Variants in ARHGAP42 observed in about 807,000 individuals in gnomAD.
The protein encoded by ARHGAP42 is Rho GTPase activating protein 42.
Under a neutral mutation model 125.0 loss-of-function variants are expected in ARHGAP42, and 63 were observed. The observed-to-expected ratio is 0.50, with a 90% CI of 0.41 to 0.62. The LOEUF (loss-of-function observed/expected upper bound fraction) is 0.62, where lower values mean the gene tolerates loss of function less well. Among genes scored for constraint, ARHGAP42 ranks in the 20% least tolerant of loss-of-function variants. The pLI is 0.00. For synonymous variants in ARHGAP42, 339 were observed against 351.0 expected, an observed-to-expected ratio of 0.97 and a Z score of 0.38; for missense variants, 766 against 1,024.2, an observed-to-expected ratio of 0.75 and a Z score of 3.44.
At position 100,980,559 on chromosome 11, in the gene ARHGAP42, CTTTTTTT is replaced by C. The variant is rs763302463; in HGVS notation, c.2456+1534_2456+1540del. ...TCAAATCATACTTCTTTTTCTTCTT[CTTTTTTT>C]TTTTTTTTTTTTTTTTTTTTTTTGA... is the stretch of plus-strand genomic sequence containing the variant. On this transcript the variant is annotated intron_variant, in intron 22 of 23. Transcript: ENST00000298815. Among the ~76,000 whole-genome samples the C allele has an allele frequency of 5.2e-3, 269 of 51,956 alleles. 16 individuals are homozygous for C. In the South Asian group the frequency reaches 0.098, roughly 19 times the overall value. The allele number at this position is 51,956 out of a possible 152,430, so 34.1% of individuals were successfully genotyped here. A position where few individuals can be genotyped will look rare whatever the true frequency, so the allele number is the denominator to read the frequency against.
intron 1 of ARHGAP42, among the ~76,000 whole-genome samples, chr11:100,727,089 G>T (rs1354862913): frequency 3.9e-5 from 6 of 152,208 alleles, no homozygotes; most frequent in Admixed American, 3.9e-4. Flanking sequence ...AGCCATAGAT[G>T]AAAGAAATGA....
intron 2 of ARHGAP42, among the ~76,000 whole-genome samples, chr11:100,781,502 G>A (rs1863309816): frequency 6.6e-6 from 1 of 152,084 alleles, no homozygotes; most frequent in African/African-American, 2.4e-5. Flanking sequence ...TGTCAACTTT[G>A]ACTTTGAGGT....
intron 4 of ARHGAP42, among the ~76,000 whole-genome samples, chr11:100,896,450 C>T (rs1345892395): frequency 6.6e-6 from 1 of 152,080 alleles, no homozygotes; most frequent in Non-Finnish European, 1.5e-5. Flanking sequence ...CTAATGCTTC[C>T]CACCAACAGT....
In ARHGAP42 at chr11:100,959,920, A is replaced by G; in HGVS notation, c.1200A>G (p.Lys400=). ...AAGCAGGGTTCAACTTTGTGAGAAA[A>G]TGCATTCAAGCTGTGGAAACAAGAG... ...LNEAGFNFVR[K]CIQAVETRGI... The change falls in exon 13 of 24, where the codon AAA becomes AAG. Residue 400 remains lysine (K), a synonymous_variant. Transcript: ENST00000298815. The G allele has an allele frequency of 2.6e-6, 4 of 1,551,476 alleles. No homozygotes were observed. The highest frequency in any genetic ancestry group is 2.6e-6 in the Non-Finnish European group (3 of 1,146,576).
At chr11:100,927,719 C>A (rs1049584211) in intron 6 of ARHGAP42, among the ~76,000 whole-genome samples, 3 of 152,158 alleles carry the variant, frequency 2.0e-5, no homozygotes, top group Non-Finnish European at 4.4e-5. Flanking sequence ...GTACCTCAGG[C>A]CTCTTCATCT....
chr11:100,967,160 GA>G (rs1196118029), intron 17 of ARHGAP42, among the ~76,000 whole-genome samples: 5 of 151,796 alleles, frequency 3.3e-5, no homozygotes, highest in African/African-American at 9.7e-5. Context: ...TTTCATGGCT[GA>G]AAAAAAATTA....
intron 5 of ARHGAP42, among the ~76,000 whole-genome samples, chr11:100,917,015 TTGTGTGTGTGTGTGTGTGTGTG>T (rs6144479): frequency 2.0e-5 from 3 of 149,508 alleles, no homozygotes; most frequent in Admixed American, 6.7e-5. Context: ...TAAAATAAGT[TTGTGTGTGTGTGTGTGTGTGTG>T]TGTGTGTGTG....
chr11:100,794,586 A>G (rs1863662430), intron 2 of ARHGAP42, among the ~76,000 whole-genome samples: 1 of 152,184 alleles, frequency 6.6e-6, no homozygotes, highest in South Asian at 2.1e-4. Flanking sequence ...GTAGAAGTAA[A>G]GTTGATCCCT....
At chr11:100,802,338 T>A (rs1281612186) in intron 3 of ARHGAP42, among the ~76,000 whole-genome samples, 1 of 152,156 alleles carries the variant, frequency 6.6e-6, no homozygotes, top group Non-Finnish European at 1.5e-5. Context: ...AATAGTGAAG[T>A]TGACTCTCGC....
chr11:100,754,615 T>C (rs1862531168), intron 1 of ARHGAP42, among the ~76,000 whole-genome samples: 1 of 152,240 alleles, frequency 6.6e-6, no homozygotes, highest in South Asian at 2.1e-4. Context: ...TTAATTTCTT[T>C]ATAGATGTAT....
intron 1 of ARHGAP42, among the ~76,000 whole-genome samples, chr11:100,739,929 G>C (rs1200734451): frequency 1.3e-5 from 2 of 152,132 alleles, no homozygotes; most frequent in African/African-American, 2.4e-5. Context: ...AAAAATACTA[G>C]TGGCAAAGGC....
chr11:100,792,333 A>G (rs537843380), intron 2 of ARHGAP42, among the ~76,000 whole-genome samples: 1 of 152,334 alleles, frequency 6.6e-6, no homozygotes, highest in Admixed American at 6.5e-5. Context: ...TTTATTCTTC[A>G]TTATATGTTG....
Position 100,969,993 on chromosome 11 carries a change from CT to C in ARHGAP42, c.1551-3172del, listed in dbSNP as rs369679671. ...TGTTGTTTGCTTGTTTGTTTAGTGT[CT>C]TTTTTTTTTGTTGAGACAGAGTCTC... On this transcript the variant is annotated intron_variant, in intron 17 of 23. Coordinates refer to ENST00000298815, the MANE Select transcript of ARHGAP42 (RefSeq NM_152432.4). Among the ~76,000 whole-genome samples the C allele has an allele frequency of 1.2e-4, 18 of 147,622 alleles. No homozygotes were observed. In the South Asian group the frequency reaches 2.2e-3, roughly 18 times the overall value.
chr11:100,728,145 T>C (rs1861892738), intron 1 of ARHGAP42, among the ~76,000 whole-genome samples: 1 of 152,152 alleles, frequency 6.6e-6, no homozygotes, highest in East Asian at 1.9e-4. Context: ...TTCAGCTTGG[T>C]TGGTGAATTT....
At chr11:100,720,557 A>T (rs908020741) in intron 1 of ARHGAP42, among the ~76,000 whole-genome samples, 1 of 152,168 alleles carries the variant, frequency 6.6e-6, no homozygotes, top group East Asian at 1.9e-4. Context: ...ATAAAAGTGA[A>T]AATATGGCTA....
chr11:100,795,332 A>G (rs1305688642), intron 3 of ARHGAP42, among the ~76,000 whole-genome samples, 166 bp downstream of exon 3: 1 of 152,216 alleles, frequency 6.6e-6, no homozygotes, highest in Non-Finnish European at 1.5e-5. Context: ...ATTATCATAT[A>G]TTGCTGATAA....
chr11:100,797,987 C>G (rs1863762764), intron 3 of ARHGAP42, among the ~76,000 whole-genome samples: 2 of 152,092 alleles, frequency 1.3e-5, no homozygotes, highest in Admixed American at 1.3e-4. Context: ...GTTCAAGACT[C>G]AGTGGAGTAA....
chr11:100,827,221 T>TCGTTGGCCAGGCTGGTCC (rs1864540378), intron 3 of ARHGAP42, among the ~76,000 whole-genome samples: 1 of 152,094 alleles, frequency 6.6e-6, no homozygotes. Flanking sequence ...CAGGCTGGTC[T>TCGTTGGCCAGGCTGGTCC]CAAACTCCTG....
intron 2 of ARHGAP42, among the ~76,000 whole-genome samples, chr11:100,779,961 G>T (rs576065597): frequency 2.0e-5 from 3 of 151,840 alleles, no homozygotes; most frequent in East Asian, 3.9e-4. Context: ...GGGAGTCAGA[G>T]GTTGCAGTGA....
Sources: allele counts gnomAD v4.1 joint callset (sites outside exome capture counted in the v4.1 genomes callset), GRCh38; gene constraint gnomAD v4.1.1; transcripts MANE v1.5; gene names NCBI Gene and HGNC (gene_info 2026-07-23, HGNC 2026-07-21).